Variants in ITPRID2 observed in about 807,000 individuals in gnomAD.
The protein encoded by ITPRID2 is ITPR interacting domain containing 2.
Under a neutral mutation model 124.3 loss-of-function variants are expected in ITPRID2, and 60 were observed. That is an observed-to-expected ratio of 0.48 (90% CI 0.39 to 0.60). The LOEUF (loss-of-function observed/expected upper bound fraction) is 0.60, where lower values mean the gene tolerates loss of function less well. Among genes scored for constraint, ITPRID2 ranks in the 20% least tolerant of loss-of-function variants. The probability of loss-of-function intolerance (pLI) is 0.00; values close to 1 mark genes in which losing one functional copy is unlikely to be tolerated. For synonymous variants in ITPRID2, 521 were observed against 542.9 expected (o/e 0.96, Z 0.56); for missense variants, 1,553 against 1,512.2 (o/e 1.03, Z -0.45).
In ITPRID2 at chr2:181,902,364, T is replaced by C. The variant is rs772475692; in HGVS notation, c.1311T>C (p.Ser437=). The C allele has an allele frequency of 7.4e-6, 12 of 1,613,802 alleles. No homozygotes were observed. In the African/African-American group the frequency reaches 1.2e-4, roughly 16 times the overall value. Residue 437 remains serine, a synonymous_variant, in exon 8 of 18, where the codon AGT becomes AGC. Coordinates refer to ENST00000431877, the MANE Select transcript of ITPRID2 (RefSeq NM_001130445.3). This position sits in a 1 kb window ranked among gnomAD's most constrained non-coding sequence, Gnocchi z 4.4. ...SELENSSELK[S]VHISTPEKEP... is the part of the protein sequence containing the mutation. ...TGGAAAATAGCAGTGAGCTGAAAAG[T>C]GTCCATATATCCACACCTGAAAAAG...
chr2:181,918,426 G>A (rs984870187), intron 11 of ITPRID2, 172 bp from the exon 12 acceptor site: 2 of 1,440,394 alleles, frequency 1.4e-6, no homozygotes, highest in African/African-American at 2.9e-5. Context: ...GCAGTACTAG[G>A]TGTCATTGGG....
intron 16 of ITPRID2, among the ~76,000 whole-genome samples, chr2:181,924,821 T>G (rs191989487): frequency 1.3e-5 from 2 of 152,386 alleles, no homozygotes; most frequent in East Asian, 1.9e-4. Flanking sequence ...ATACCTCTTT[T>G]CTGCATGTGC....
intron 16 of ITPRID2, among the ~76,000 whole-genome samples, chr2:181,925,318 G>A (rs1694766210): frequency 6.6e-6 from 1 of 152,156 alleles, no homozygotes; most frequent in Admixed American, 6.5e-5. Flanking sequence ...TCAATCTCAG[G>A]TAGTCTGTAT....
intron 11 of ITPRID2, chr2:181,918,237 C>T: frequency 1.1e-6 from 1 of 937,680 alleles, no homozygotes; most frequent in Non-Finnish European, 1.3e-6. Context: ...TGCTTGCTCT[C>T]CAGCAAAGTT....
intron 12 of ITPRID2, 38 bp downstream of exon 12, chr2:181,918,713 T>G: frequency 1.2e-6 from 2 of 1,613,648 alleles, no homozygotes; most frequent in South Asian, 2.2e-5. Context: ...CCAAAATAAT[T>G]TGTAGAATTT....
chr2:181,927,307 A>G (rs1574314787), intron 16 of ITPRID2, among the ~76,000 whole-genome samples: 2 of 152,214 alleles, frequency 1.3e-5, no homozygotes, highest in Non-Finnish European at 2.9e-5. Flanking sequence ...TTGGGAACAC[A>G]TTATCACTTT....
Position 181,910,500 on chromosome 2 carries a change from C to G in ITPRID2, c.1486+529C>G, listed in dbSNP as rs1693515767. The G allele has an allele frequency of 8.0e-6, 5 of 624,152 alleles. No homozygotes were observed. The highest frequency in any genetic ancestry group is 1.4e-5 in the Non-Finnish European group (5 of 347,116). 38.7% of individuals were successfully genotyped at this position (624,152 alleles called of 1,614,324 possible). The stretch of plus-strand genomic sequence containing the variant: ...AAATTATTAATTATTGACCAAAGAA[C>G]CTTTGAATCCATCCCTTTCACTTTT... On this transcript the variant is annotated intron_variant, in intron 9 of 17. Transcript: ENST00000431877. This position sits in a 1 kb window ranked among gnomAD's most constrained non-coding sequence, Gnocchi z 4.1.
At chr2:181,916,639 T>C in intron 11 of ITPRID2, 2 of 765,136 alleles carry the variant, frequency 2.6e-6, no homozygotes, top group Non-Finnish European at 3.9e-6. Context: ...TCGATTTCTC[T>C]GCTCACAAGT....
At position 181,915,967 on chromosome 2, in the gene ITPRID2, C is replaced by T; in HGVS notation, c.2327C>T (p.Thr776Ile). The T allele has an allele frequency of 6.2e-7, 1 of 1,614,190 alleles. No homozygotes were observed. The highest frequency in any genetic ancestry group is 8.5e-7 in the Non-Finnish European group (1 of 1,180,020). Residue 776 changes from threonine (T) to isoleucine (I), a missense_variant, in exon 11 of 18, where the codon ACA (threonine) becomes ATA (isoleucine). Thr to Ile is a moderately conservative substitution (Grantham distance 89, BLOSUM62 -1). Transcript: ENST00000431877. The part of the protein sequence containing the change: ...CSPPSFTYKY[T>I]PEEEQELEKR... Reference sequence around the variant, plus strand: ...CCACCTTCCTTCACCTATAAGTACACACCTGAAGAGGAGCAGGAATTGGAA... The same window carrying T: ...CCACCTTCCTTCACCTATAAGTACATACCTGAAGAGGAGCAGGAATTGGAA...
Position 181,902,792 on chromosome 2 carries a change from A to G in ITPRID2, c.1413+326A>G, listed in dbSNP as rs182155689. On this transcript the variant is annotated intron_variant, in intron 8 of 17. Coordinates refer to ENST00000431877, the MANE Select transcript of ITPRID2 (RefSeq NM_001130445.3). The surrounding 1 kb of genome is among the most constrained non-coding windows in gnomAD (Gnocchi z 4.4). Reference sequence around the variant, plus strand: ...TTTAAATTCAAAGCAATATTGCATAATAGTTAGAAACACAGGCTTTGAAAT... The same window carrying G: ...TTTAAATTCAAAGCAATATTGCATAGTAGTTAGAAACACAGGCTTTGAAAT... Among the ~76,000 whole-genome samples the G allele has an allele frequency of 3.9e-4, 59 of 152,346 alleles. No individual in the cohort carries two copies. In the East Asian group the frequency reaches 8.5e-3, roughly 22 times the overall value.
chr2:181,902,250 T>G lies in ITPRID2; in HGVS notation c.1197T>G (p.Thr399=). Residue 399 remains threonine, a synonymous_variant, in exon 8 of 18, where the codon ACT becomes ACG. Transcript: ENST00000431877. This position sits in a 1 kb window ranked among gnomAD's most constrained non-coding sequence, Gnocchi z 4.4. ...QGTENEQSKE[T]QSHESKLGEE... ...CTGAAAATGAACAAAGTAAAGAAAC[T>G]CAAAGTCATGAGAGTAAACTGGGTG... 1 of 1,612,920 alleles carries G rather than the reference T, an allele frequency of 6.2e-7. No individual in the cohort carries two copies. Among genetic ancestry groups the G allele is most frequent in the Non-Finnish European group, 8.5e-7 (1 of 1,179,364 alleles).
chr2:181,892,548 T>C lies in ITPRID2; in HGVS notation c.212-67T>C, dbSNP rs916810256. 3.1e-6 allele frequency: 5 copies of C among 1,593,326 alleles called. No homozygotes were observed. In the Admixed American group the frequency reaches 5.0e-5, roughly 16 times the overall value. ...TGGTAGATTTTCCTACTTGGGAGGGTCCAGGGTGACTCCGCCGTCGTAGTG... is the reference window on the plus strand; with the variant it reads ...TGGTAGATTTTCCTACTTGGGAGGGCCCAGGGTGACTCCGCCGTCGTAGTG... On this transcript the variant is annotated intron_variant, in intron 1 of 17. Coordinates refer to ENST00000431877, the MANE Select transcript of ITPRID2 (RefSeq NM_001130445.3). This position sits in a 1 kb window ranked among gnomAD's most constrained non-coding sequence, Gnocchi z 5.2.
chr2:181,913,972 C>G, intron 10 of ITPRID2, 39 bp downstream of exon 10: 1 of 1,396,042 alleles, frequency 7.2e-7, no homozygotes, highest in Admixed American at 1.8e-5. Flanking sequence ...TGATTAACTT[C>G]CTCATTTTAA....
At chr2:181,921,679 C>A (rs1335817313) in intron 15 of ITPRID2, among the ~76,000 whole-genome samples, 1 of 152,174 alleles carries the variant, frequency 6.6e-6, no homozygotes, top group Non-Finnish European at 1.5e-5. Flanking sequence ...CTCTTCCTTA[C>A]AAGTGATTTG....
intron 11 of ITPRID2, chr2:181,917,617 A>C (rs1355240561): frequency 6.6e-6 from 1 of 152,382 alleles, no homozygotes; most frequent in African/African-American, 2.4e-5. Context: ...CAGCTAATAC[A>C]TCTCCCCATG....
At chr2:181,904,896 A>G (rs1692973652) in intron 8 of ITPRID2, among the ~76,000 whole-genome samples, 1 of 152,178 alleles carries the variant, frequency 6.6e-6, no homozygotes, top group African/African-American at 2.4e-5. Flanking sequence ...AGAGAGCTAA[A>G]TAGATGATGA....
chr2:181,918,519 T>A, intron 11 of ITPRID2, 79 bp from the exon 12 acceptor site: 27 of 1,574,676 alleles, frequency 1.7e-5, no homozygotes, highest in Non-Finnish European at 2.3e-5. Context: ...AGGCCCCAAA[T>A]TCTGCCTTTT....
At chr2:181,921,202 G>A (rs1010963107) in intron 15 of ITPRID2, among the ~76,000 whole-genome samples, 7 of 151,952 alleles carry the variant, frequency 4.6e-5, no homozygotes, top group African/African-American at 1.7e-4. Flanking sequence ...AATAAGCCAG[G>A]TGTGGTGGCT....
intron 11 of ITPRID2, chr2:181,917,270 G>C (rs1694138008): frequency 1.3e-5 from 2 of 152,580 alleles, no homozygotes; most frequent in African/African-American, 4.8e-5. Flanking sequence ...GAATGTAATA[G>C]ACCTCTTATC....
Sources: gnomAD v4.1 joint callset for allele counts (sites outside exome capture counted in the v4.1 genomes callset) on GRCh38, gnomAD v4.1.1 for gene constraint, Gnocchi (gnomAD v3.1) non-coding constraint, MANE v1.5 for transcripts, NCBI Gene and HGNC (gene_info 2026-07-23, HGNC 2026-07-21) for gene names.